The following BCLAF3 variants were observed in gnomAD, a reference collection of about 807,000 sequenced individuals.
BCLAF3 encodes the protein BCLAF1 and THRAP3 family member 3.
A neutral mutation model predicts 51.2 loss-of-function variants in BCLAF3; 24 were observed. The ratio of observed to expected loss-of-function variants is 0.47; its 90% confidence interval spans 0.34 to 0.66. The LOEUF is 0.66. Ranked by LOEUF, BCLAF3 falls within the 30% of genes least tolerant of loss-of-function variation. The pLI is 0.01. For synonymous variants in BCLAF3, 152 were observed against 176.6 expected, an observed-to-expected ratio of 0.86 and a Z score of 1.10; for missense variants, 465 against 525.1, an observed-to-expected ratio of 0.89 and a Z score of 1.12.
At chrX:19,990,792 G>A (rs1290124481) in intron 1 of BCLAF3, among the ~76,000 whole-genome samples, 116 bp downstream of exon 1, 1 of 111,596 alleles carries the variant, frequency 9.0e-6, no homozygotes, top group Admixed American at 9.3e-5. Context: ...GAGTCGGACC[G>A]CCGCATCCTC....
At chrX:19,971,817 G>A (rs2072269359) in intron 1 of BCLAF3, among the ~76,000 whole-genome samples, 1 of 111,819 alleles carries the variant, frequency 8.9e-6, no homozygotes, top group Non-Finnish European at 1.9e-5. Flanking sequence ...TATGCACCTC[G>A]ATTTTGCAAA....
chrX:19,979,192 G>A (rs1441579498), intron 1 of BCLAF3, among the ~76,000 whole-genome samples: 1 of 110,457 alleles, frequency 9.1e-6, no homozygotes, highest in African/African-American at 3.3e-5. Flanking sequence ...CCCCCAGAAG[G>A]TGGAGGTTCC....
At chrX:19,934,534 A>G (rs779140848) in intron 10 of BCLAF3, among the ~76,000 whole-genome samples, 5 of 112,626 alleles carry the variant, frequency 4.4e-5, no homozygotes, top group Non-Finnish European at 7.5e-5. Context: ...ACCATTGGCT[A>G]AAAATGTAAT....
Position 19,913,155 on chromosome X carries a change from C to A in BCLAF3, c.*4150G>T, listed in dbSNP as rs1419826534. On this transcript the variant is annotated 3_prime_UTR_variant, in exon 12 of 12. Coordinates refer to ENST00000379682, the MANE Select transcript of BCLAF3 (RefSeq NM_001367774.2). ...ATGGCGTGGCCTCGGTTCACTGCAACCTTCGCCTCCCGGGTTTAAGCAATT... is the reference window on the plus strand; with the variant it reads ...ATGGCGTGGCCTCGGTTCACTGCAAACTTCGCCTCCCGGGTTTAAGCAATT... The A allele has an allele frequency of 8.9e-6, 1 of 111,964 alleles. No homozygotes were observed. Among genetic ancestry groups the A allele is most frequent in the Non-Finnish European group, 1.9e-5 (1 of 53,186 alleles). The allele number at this position is 111,964 out of a possible 1,213,427, so 9.2% of individuals were successfully genotyped here.
At chrX:19,930,758 C>G (rs1247811542) in intron 10 of BCLAF3, 1 of 115,585 alleles carries the variant, frequency 8.7e-6, no homozygotes, top group Non-Finnish European at 1.8e-5. Context: ...TAAATCCCAG[C>G]ACTTTGGGAG....
chrX:19,958,811 G>A (rs1307161304), intron 4 of BCLAF3, among the ~76,000 whole-genome samples: 2 of 112,458 alleles, frequency 1.8e-5, no homozygotes, highest in Admixed American at 1.9e-4. Flanking sequence ...CACAATGCAT[G>A]ACTGTATATA....
chrX:19,958,037 T>C (rs2071725859), intron 4 of BCLAF3, among the ~76,000 whole-genome samples: 1 of 111,966 alleles, frequency 8.9e-6, no homozygotes, highest in South Asian at 3.7e-4. Flanking sequence ...AGATCAAATG[T>C]TCTCATTTGA....
At chrX:19,948,689 T>G (rs1278764217) in intron 8 of BCLAF3, among the ~76,000 whole-genome samples, 4 of 109,171 alleles carry the variant, frequency 3.7e-5, no homozygotes, top group Admixed American at 2.0e-4. Context: ...GAGAATCACC[T>G]GAGCCTCACG....
intron 4 of BCLAF3, among the ~76,000 whole-genome samples, 199 bp from the exon 5 acceptor site, chrX:19,955,765 A>T (rs182356507): frequency 0.014 from 1,514 of 111,928 alleles, 9 homozygotes; most frequent in Middle Eastern, 0.019. Flanking sequence ...AGTTCTTTCA[A>T]ATCAGAGGTC....
rs992866945 is a variant in BCLAF3 at position 19,945,085 on chromosome X, C to T, written c.1745+5668G>A. Among the ~76,000 whole-genome samples, 7 of 110,150 alleles carry T rather than the reference C, an allele frequency of 6.4e-5. No homozygotes were observed. The Admixed American group carries it at 6.8e-4, about 11-fold the overall frequency. ...ATCGCATCGGCTCCTGAGGCTTCTG[C>T]ATTCTTCACGTAGTTCTCAAGCCTT... On this transcript the variant is annotated intron_variant, in intron 8 of 11. Coordinates refer to ENST00000379682, the MANE Select transcript of BCLAF3 (RefSeq NM_001367774.2).
chrX:19,952,584 T>G (rs1341446244), intron 7 of BCLAF3, among the ~76,000 whole-genome samples: 1 of 111,607 alleles, frequency 9.0e-6, no homozygotes. Context: ...AAGGGCAATA[T>G]CAAATGAAAT....
At chrX:19,917,466 A>T (rs1001559137) in intron 11 of BCLAF3, 132 bp from the exon 12 acceptor site, 2 of 531,771 alleles carry the variant, frequency 3.8e-6, no homozygotes, top group African/African-American at 2.3e-5. Flanking sequence ...ATTCCCACGA[A>T]GGCATGTGGA....
rs2071549197 is a variant in BCLAF3, at chrX:19,953,175, C to T, written c.1566-124G>A. On this transcript the variant is annotated intron_variant, in intron 6 of 11. Coordinates refer to ENST00000379682, the MANE Select transcript of BCLAF3 (RefSeq NM_001367774.2). ...TTTTGGAGCTAGCAAAAGAAACTTG[C>T]TACCAGATAGTTTTTCACCTATATG... 1.1e-4 allele frequency: 58 copies of T among 522,495 alleles called. No individual in the cohort carries two copies. In the South Asian group the frequency reaches 2.1e-3, roughly 19 times the overall value. The allele number at this position is 522,495 out of a possible 1,213,427, so 43.1% of individuals were successfully genotyped here. A position where few individuals can be genotyped will look rare whatever the true frequency, so the allele number is the denominator to read the frequency against.
At chrX:19,982,882 T>G (rs1175479080) in intron 1 of BCLAF3, among the ~76,000 whole-genome samples, 2 of 110,394 alleles carry the variant, frequency 1.8e-5, no homozygotes, top group African/African-American at 6.6e-5. Context: ...ATTTTCAATT[T>G]GACTAACAGA....
chrX:19,949,038 C>G (rs1308994450), intron 8 of BCLAF3, among the ~76,000 whole-genome samples: 1 of 111,285 alleles, frequency 9.0e-6, no homozygotes, highest in African/African-American at 3.3e-5. Context: ...AGTAATGTCT[C>G]ATTTTTAAAA....
intron 4 of BCLAF3, among the ~76,000 whole-genome samples, chrX:19,962,130 T>C (rs990708634): frequency 1.8e-5 from 2 of 112,530 alleles, no homozygotes; most frequent in African/African-American, 6.5e-5. Context: ...TTAATTCTCT[T>C]TTAACTATAA....
intron 1 of BCLAF3, among the ~76,000 whole-genome samples, chrX:19,979,355 G>A (rs952249232): frequency 4.5e-5 from 5 of 111,335 alleles, no homozygotes; most frequent in African/African-American, 1.6e-4. Context: ...CCCTTCATCA[G>A]TAGAAAGATG....
chrX:19,966,675 T>C (rs1409970766), intron 2 of BCLAF3, 26 bp from the exon 3 acceptor site: 1 of 1,156,564 alleles, frequency 8.6e-7, no homozygotes, highest in Admixed American at 2.3e-5. Flanking sequence ...CAGAAAAGTG[T>C]AAACCATTTA....
At chrX:19,946,112 A>G (rs2071284040) in intron 8 of BCLAF3, among the ~76,000 whole-genome samples, 1 of 110,628 alleles carries the variant, frequency 9.0e-6, no homozygotes, top group South Asian at 3.9e-4. Context: ...AGGTGAGGCA[A>G]TGCCTCGCCC....
Sources: gnomAD v4.1 joint callset for allele counts (sites outside exome capture counted in the v4.1 genomes callset) on GRCh38, gnomAD v4.1.1 for gene constraint, MANE v1.5 for transcripts, NCBI Gene and HGNC (gene_info 2026-07-23, HGNC 2026-07-21) for gene names.